AQP3: variants seen among roughly 807,000 people sequenced by gnomAD.
AQP3 encodes the protein aquaporin 3 (Gill blood group).
In AQP3, 15 loss-of-function variants were observed where a neutral mutation model predicts 30.3. The observed-to-expected ratio is 0.49, with a 90% CI of 0.33 to 0.76. The LOEUF is 0.76. AQP3 is among the 30% of genes least tolerant of loss of function. The pLI is 0.02. For synonymous variants in AQP3, 153 were observed against 163.2 expected (o/e 0.94, Z 0.47); for missense variants, 272 against 384.8 (o/e 0.71, Z 2.45).
At chr9:33,444,843 C>T (rs560219883) in intron 1 of AQP3, among the ~76,000 whole-genome samples, 1 of 152,246 alleles carries the variant, frequency 6.6e-6, no homozygotes, top group African/African-American at 2.4e-5. Context: ...GGTCCAGATT[C>T]CCCACTCAGA....
At position 33,441,907 on chromosome 9, in the gene AQP3, C is replaced by T. The variant is rs767252931; in HGVS notation, c.*136G>A. 33 of 1,364,212 alleles carry T rather than the reference C, an allele frequency of 2.4e-5. No homozygotes were observed. Among genetic ancestry groups the T allele is most frequent in the Non-Finnish European group, 3.2e-5 (32 of 998,064 alleles). 84.5% of individuals were successfully genotyped at this position (1,364,212 alleles called of 1,614,324 possible). ...AGTGGAAATCCTGAAGGGGCTGTCTCGTGGGGTGAGGGTAGATAGGGAGCT... is the reference window on the plus strand; with the variant it reads ...AGTGGAAATCCTGAAGGGGCTGTCTTGTGGGGTGAGGGTAGATAGGGAGCT... On this transcript the variant is annotated 3_prime_UTR_variant, in exon 6 of 6. Coordinates refer to ENST00000297991, the MANE Select transcript of AQP3 (RefSeq NM_004925.5).
At chr9:33,445,028 G>A (rs1019964245) in intron 1 of AQP3, among the ~76,000 whole-genome samples, 5 of 152,212 alleles carry the variant, frequency 3.3e-5, no homozygotes, top group African/African-American at 1.2e-4. Flanking sequence ...AGCCAGCTGT[G>A]GTGGCTCACA....
At chr9:33,444,913 C>G (rs1275242568) in intron 1 of AQP3, among the ~76,000 whole-genome samples, 1 of 152,138 alleles carries the variant, frequency 6.6e-6, no homozygotes, top group Non-Finnish European at 1.5e-5. Flanking sequence ...AGCCCGGGAC[C>G]CAGGGCTGTA....
Position 33,443,535 on chromosome 9 carries a change from C to A in AQP3, c.236-77G>T. The A allele has an allele frequency of 6.4e-7, 1 of 1,553,656 alleles. No homozygotes were observed. The highest frequency in any genetic ancestry group is 1.4e-5 in the African/African-American group (1 of 73,662). ...GGCTAGGGTCCCCTGAGAAGGGGTG[C>A]AGAGAGGGGTTTCTTGCACAGGATG... On this transcript the variant is annotated intron_variant, in intron 2 of 5. Coordinates refer to ENST00000297991, the MANE Select transcript of AQP3 (RefSeq NM_004925.5). This position sits in a 1 kb window ranked among gnomAD's most constrained non-coding sequence, Gnocchi z 5.0.
Position 33,447,497 on chromosome 9 carries a change from C to G in AQP3, c.34G>C (p.Gly12Arg), listed in dbSNP as rs773909054. 12 of 1,609,542 alleles carry G rather than the reference C, an allele frequency of 7.5e-6. No individual in the cohort carries two copies. The highest frequency in any genetic ancestry group is 3.3e-4 in the Middle Eastern group (2 of 6,054). Residue 12 changes from glycine to arginine, a missense_variant, in exon 1 of 6, where the codon GGG becomes CGG. Gly to Arg is a moderately radical substitution (Grantham distance 125). Transcript: ENST00000297991. ...CGGTAGCGGATGTGGAGCATCTCCC[C>G]GCAGCGGGACACCAGCTCCTTCTGT... ...GRQKELVSRCGEMLHIRYRLL... is the reference protein window; with the variant it reads ...GRQKELVSRCREMLHIRYRLL...
rs1300809348 is a variant in AQP3, at chr9:33,443,168, G to A, written c.373+153C>T. 4.0e-6 allele frequency: 5 copies of A among 1,258,936 alleles called. No homozygotes were observed. Among genetic ancestry groups the A allele is most frequent in the Admixed American group, 2.0e-5 (1 of 49,126 alleles). 78.0% of individuals were successfully genotyped at this position (1,258,936 alleles called of 1,614,324 possible). On this transcript the variant is annotated intron_variant, in intron 3 of 5. Coordinates refer to ENST00000297991, the MANE Select transcript of AQP3 (RefSeq NM_004925.5). The surrounding 1 kb of genome is among the most constrained non-coding windows in gnomAD (Gnocchi z 5.0). Reference sequence around the variant, plus strand: ...TTGCCCAACTTGTTTCTTTCCCTTCGTGCCCCCTACCTTGACCCTGTGCGT... The same window carrying A: ...TTGCCCAACTTGTTTCTTTCCCTTCATGCCCCCTACCTTGACCCTGTGCGT...
intron 1 of AQP3, among the ~76,000 whole-genome samples, chr9:33,444,616 G>C (rs1285998667): frequency 6.9e-6 from 1 of 145,406 alleles, no homozygotes; most frequent in Non-Finnish European, 1.5e-5. Flanking sequence ...AAAAAAAAAA[G>C]AGTTGAAAAG....
At position 33,441,910 on chromosome 9, in the gene AQP3, G is replaced by A; in HGVS notation, c.*133C>T. The A allele has an allele frequency of 7.3e-7, 1 of 1,370,802 alleles. No individual in the cohort carries two copies. Among genetic ancestry groups the A allele is most frequent in the Non-Finnish European group, 1.0e-6 (1 of 1,004,100 alleles). The allele number at this position is 1,370,802 out of a possible 1,614,324, so 84.9% of individuals were successfully genotyped here. A position where few individuals can be genotyped will look rare whatever the true frequency, so the allele number is the denominator to read the frequency against. ...GGAAATCCTGAAGGGGCTGTCTCGT[G>A]GGGTGAGGGTAGATAGGGAGCTCCT... is the stretch of plus-strand genomic sequence containing the variant. On this transcript the variant is annotated 3_prime_UTR_variant, in exon 6 of 6. Transcript: ENST00000297991.
intron 4 of AQP3, 163 bp from the exon 5 acceptor site, chr9:33,442,681 T>C (rs1023150232): frequency 4.7e-6 from 5 of 1,062,738 alleles, no homozygotes; most frequent in Non-Finnish European, 7.2e-6. Context: ...AAGAACCCGC[T>C]GGAGAGCCGC....
chr9:33,447,461 G>T lies in AQP3; in HGVS notation c.70C>A (p.Gln24Lys). The change falls in exon 1 of 6, where the codon CAG becomes AAG. Residue 24 changes from glutamine to lysine, a missense_variant. Coordinates refer to ENST00000297991, the MANE Select transcript of AQP3 (RefSeq NM_004925.5). ...MLHIRYRLLR[Q>K]ALAECLGTLI... is the part of the protein sequence containing the mutation. ...GTCCCCAGGCACTCGGCCAGCGCCTGTCGGAGCAGCCGGTAGCGGATGTGG... is the reference window on the plus strand; with the variant it reads ...GTCCCCAGGCACTCGGCCAGCGCCTTTCGGAGCAGCCGGTAGCGGATGTGG... 1 of 1,608,788 alleles carries T rather than the reference G, an allele frequency of 6.2e-7. No homozygotes were observed. Among genetic ancestry groups the T allele is most frequent in the Non-Finnish European group, 8.5e-7 (1 of 1,178,312 alleles).
intron 4 of AQP3, 126 bp downstream of exon 4, chr9:33,442,726 C>T (rs921116396): frequency 8.0e-6 from 9 of 1,118,156 alleles, no homozygotes; most frequent in African/African-American, 3.1e-5. Flanking sequence ...TGTTCTGATG[C>T]GGGTTACCCC....
In AQP3 at chr9:33,441,913, G is replaced by C; in HGVS notation, c.*130C>G. The C allele has an allele frequency of 7.1e-7, 1 of 1,399,502 alleles. No individual in the cohort carries two copies. Among genetic ancestry groups the C allele is most frequent in the Non-Finnish European group, 9.7e-7 (1 of 1,026,670 alleles). 86.7% of individuals were successfully genotyped at this position (1,399,502 alleles called of 1,614,324 possible). On this transcript the variant is annotated 3_prime_UTR_variant, in exon 6 of 6. Transcript: ENST00000297991. ...AATCCTGAAGGGGCTGTCTCGTGGGGTGAGGGTAGATAGGGAGCTCCTTAG... is the reference window on the plus strand; with the variant it reads ...AATCCTGAAGGGGCTGTCTCGTGGGCTGAGGGTAGATAGGGAGCTCCTTAG...
Position 33,442,301 on chromosome 9 carries a change from G to A in AQP3, c.710C>T (p.Thr237Met), listed in dbSNP as rs1162797219. The change falls in exon 5 of 6, where the codon ACG becomes ATG. Residue 237 changes from threonine to methionine, a missense_variant and splice_region_variant. This residue lies in a region of AQP3 where 170 missense variants were observed against 286.4 expected (regional missense o/e 0.59). Transcript: ENST00000297991. ...ALAGWGSAVFTTGQHWWWVPI... is the reference protein window; with the variant it reads ...ALAGWGSAVFMTGQHWWWVPI... ...TGAGCTGGGTGGGGGCTGTACTCAC[G>A]TGAAGACTGCAGAGCCCCAGCCCGC... 11 of 1,612,604 alleles carry A rather than the reference G, an allele frequency of 6.8e-6. No individual in the cohort carries two copies. The highest frequency in any genetic ancestry group is 1.3e-5 in the African/African-American group (1 of 74,946).
chr9:33,447,562 C>A lies in AQP3; in HGVS notation c.-32G>T, dbSNP rs759886617. On this transcript the variant is annotated 5_prime_UTR_variant, in exon 1 of 6. Coordinates refer to ENST00000297991, the MANE Select transcript of AQP3 (RefSeq NM_004925.5). ...GCAGGCGGCGGCGCTGTCGGGCGGG[C>A]AGGGGTGGCGGGAGGCGGTGGCGCA... is the stretch of plus-strand genomic sequence containing the variant. The A allele has an allele frequency of 6.5e-7, 1 of 1,542,194 alleles. No individual in the cohort carries two copies. Among genetic ancestry groups the A allele is most frequent in the East Asian group, 2.4e-5 (1 of 42,510 alleles).
Position 33,442,489 on chromosome 9 carries a change from A to G in AQP3, c.522T>C (p.Cys174=). 4.3e-6 allele frequency: 7 copies of G among 1,610,262 alleles called. No homozygotes were observed. Among genetic ancestry groups the G allele is most frequent in the Non-Finnish European group, 5.9e-6 (7 of 1,178,822 alleles). ...QFIGTASLIV[C]VLAIVDPYNN... is the part of the protein sequence containing the mutation. Reference sequence around the variant, plus strand: ...TGTAGGGGTCAACAATGGCCAGCACACACACGATAAGGGAGGCTGTGCCTA... The same window carrying G: ...TGTAGGGGTCAACAATGGCCAGCACGCACACGATAAGGGAGGCTGTGCCTA... The change falls in exon 5 of 6, where the codon TGT becomes TGC. Residue 174 remains cysteine, a synonymous_variant. Coordinates refer to ENST00000297991, the MANE Select transcript of AQP3 (RefSeq NM_004925.5).
rs368353913 is a variant in AQP3 at position 33,447,492 on chromosome 9, C to G, written c.39G>C (p.Glu13Asp). Residue 13 changes from glutamate to aspartate, a missense_variant, in exon 1 of 6, where the codon GAG (glutamate) becomes GAC (aspartate). Physicochemically the swap from Glu to Asp is conservative, Grantham distance 45 (BLOSUM62 2). This residue lies in a region of AQP3 where 51 missense variants were observed against 46.5 expected (regional missense o/e 1.10). Coordinates refer to ENST00000297991, the MANE Select transcript of AQP3 (RefSeq NM_004925.5). ...RQKELVSRCG[E>D]MLHIRYRLLR... is the part of the protein sequence containing the mutation. ...GCAGCCGGTAGCGGATGTGGAGCATCTCCCCGCAGCGGGACACCAGCTCCT... is the reference window on the plus strand; with the variant it reads ...GCAGCCGGTAGCGGATGTGGAGCATGTCCCCGCAGCGGGACACCAGCTCCT... 6.2e-7 allele frequency: 1 copy of G among 1,610,066 alleles called. No individual in the cohort carries two copies. Among genetic ancestry groups the G allele is most frequent in the Non-Finnish European group, 8.5e-7 (1 of 1,178,636 alleles).
chr9:33,445,474 G>C lies in AQP3; in HGVS notation c.109-1582C>G, dbSNP rs78130085. Among the ~76,000 whole-genome samples the C allele has an allele frequency of 2.2e-3, 333 of 152,332 alleles. 9 individuals carry two copies. The East Asian group carries it at 0.05, about 23-fold the overall frequency. On this transcript the variant is annotated intron_variant, in intron 1 of 5. Transcript: ENST00000297991. ...GGGGCAAAGGTGTGCAGGCAGGTGA[G>C]AGCAAAGATCAGAGATTGCAGGTGT... is the stretch of plus-strand genomic sequence containing the variant.
chr9:33,442,663 T>G, intron 4 of AQP3, 145 bp from the exon 5 acceptor site: 2 of 1,115,228 alleles, frequency 1.8e-6, no homozygotes, highest in Non-Finnish European at 2.7e-6. Flanking sequence ...CTAGAATGTC[T>G]GCGTGACAAG....
Position 33,443,537 on chromosome 9 carries a change from G to A in AQP3, c.236-79C>T. ...CTAGGGTCCCCTGAGAAGGGGTGCAGAGAGGGGTTTCTTGCACAGGATGGC... is the reference window on the plus strand; with the variant it reads ...CTAGGGTCCCCTGAGAAGGGGTGCAAAGAGGGGTTTCTTGCACAGGATGGC... On this transcript the variant is annotated intron_variant, in intron 2 of 5. Coordinates refer to ENST00000297991, the MANE Select transcript of AQP3 (RefSeq NM_004925.5). The surrounding 1 kb of genome is among the most constrained non-coding windows in gnomAD (Gnocchi z 5.0). 2 of 1,549,450 alleles carry A rather than the reference G, an allele frequency of 1.3e-6. No individual in the cohort carries two copies. Among genetic ancestry groups the A allele is most frequent in the East Asian group, 2.3e-5 (1 of 42,864 alleles).
Sources: gnomAD v4.1 joint callset for allele counts (sites outside exome capture counted in the v4.1 genomes callset) on GRCh38, gnomAD v4.1.1 for gene constraint, gnomAD v4.1.1 regional missense constraint, Gnocchi (gnomAD v3.1) non-coding constraint, MANE v1.5 for transcripts, NCBI Gene and HGNC (gene_info 2026-07-23, HGNC 2026-07-21) for gene names.